Variants in LPAR3 observed in about 807,000 individuals in gnomAD.
LPAR3 encodes LPA receptor 3.
LPAR3 carries 7 observed loss-of-function variants against 17.8 expected under a neutral mutation model. The observed-to-expected ratio is 0.39, with a 90% CI of 0.22 to 0.74. The LOEUF (loss-of-function observed/expected upper bound fraction) is 0.74, where lower values mean the gene tolerates loss of function less well. LPAR3 is among the 30% of genes least tolerant of loss of function. The pLI is 0.40. For missense variants in LPAR3, 391 were observed against 453.4 expected (o/e 0.86, Z 1.25); for synonymous variants, 179 against 179.9 (o/e 0.99, Z 0.04).
intron 2 of LPAR3, among the ~76,000 whole-genome samples, chr1:84,821,852 T>C (rs1659061663): frequency 6.6e-6 from 1 of 152,118 alleles, no homozygotes. Context: ...GTGGGTAGCA[T>C]GTGGCTATGA....
chr1:84,825,296 G>A (rs2102746995), intron 2 of LPAR3, among the ~76,000 whole-genome samples: 1 of 152,312 alleles, frequency 6.6e-6, no homozygotes, highest in East Asian at 1.9e-4. Context: ...TCTTGATGGA[G>A]TACAGGAATG....
At chr1:84,820,491 C>T (rs939239728) in intron 2 of LPAR3, among the ~76,000 whole-genome samples, 2 of 152,144 alleles carry the variant, frequency 1.3e-5, no homozygotes, top group African/African-American at 4.8e-5. Context: ...AATGACTGTG[C>T]ACAGGTGAGA....
chr1:84,869,929 A>C (rs1660127130), intron 1 of LPAR3, among the ~76,000 whole-genome samples: 1 of 152,244 alleles, frequency 6.6e-6, no homozygotes, highest in Non-Finnish European at 1.5e-5. Flanking sequence ...CTTGACTTGC[A>C]AAACCCTGAC....
At chr1:84,892,623 C>A (rs1660573584) in intron 1 of LPAR3, among the ~76,000 whole-genome samples, 1 of 152,164 alleles carries the variant, frequency 6.6e-6, no homozygotes, top group Non-Finnish European at 1.5e-5. Context: ...CACGAGAGAA[C>A]CCCAGTTTCC....
At chr1:84,831,449 C>A (rs1481038099) in intron 2 of LPAR3, among the ~76,000 whole-genome samples, 3 of 152,026 alleles carry the variant, frequency 2.0e-5, no homozygotes, top group Non-Finnish European at 1.5e-5. Context: ...TAGCAGGACT[C>A]CATCTCTAAA....
At chr1:84,846,972 G>T (rs1396039094) in intron 2 of LPAR3, among the ~76,000 whole-genome samples, 1 of 152,118 alleles carries the variant, frequency 6.6e-6, no homozygotes, top group Non-Finnish European at 1.5e-5. Context: ...AGGGTATGAG[G>T]TATTTCCCAA....
chr1:84,882,691 A>G (rs1249738671), intron 1 of LPAR3, among the ~76,000 whole-genome samples: 2 of 152,242 alleles, frequency 1.3e-5, no homozygotes, highest in African/African-American at 4.8e-5. Context: ...ATACATAATC[A>G]ACGGATCTTT....
intron 2 of LPAR3, among the ~76,000 whole-genome samples, chr1:84,843,140 G>C (rs1659536989): frequency 6.6e-6 from 1 of 152,194 alleles, no homozygotes; most frequent in African/African-American, 2.4e-5. Flanking sequence ...TGCAACGCCT[G>C]TGGAGGGTCT....
Position 84,813,712 on chromosome 1 carries a change from T to G in LPAR3, c.*134A>C, listed in dbSNP as rs1658867596. ...ATGCTTTTAAACTATGAAAAAAAAT[T>G]TTTTAAAGAAATCTAGCAGTGATTA... On this transcript the variant is annotated 3_prime_UTR_variant, in exon 3 of 3. Transcript: ENST00000370611. 3 of 737,780 alleles carry G rather than the reference T, an allele frequency of 4.1e-6. No individual in the cohort carries two copies. Among genetic ancestry groups the G allele is most frequent in the Non-Finnish European group, 6.4e-6 (3 of 465,412 alleles). 45.7% of individuals were successfully genotyped at this position (737,780 alleles called of 1,614,324 possible). A position where few individuals can be genotyped will look rare whatever the true frequency, so the allele number is the denominator to read the frequency against.
Position 84,860,852 on chromosome 1 carries a change from C to T in LPAR3, c.736+4533G>A, listed in dbSNP as rs144156875. On this transcript the variant is annotated intron_variant, in intron 2 of 2. Coordinates refer to ENST00000370611, the MANE Select transcript of LPAR3 (RefSeq NM_012152.3). ...CTCCTGGGTTCAACCAATTCTCCTG[C>T]CTCAGCCTCCTGAGTAGCTGGAATT... Among the ~76,000 whole-genome samples, 46 of 151,578 alleles carry T rather than the reference C, an allele frequency of 3.0e-4. No individual in the cohort carries two copies. In the East Asian group the frequency reaches 8.8e-3, roughly 29 times the overall value.
chr1:84,877,661 T>A (rs1188852239), intron 1 of LPAR3, among the ~76,000 whole-genome samples: 1 of 152,212 alleles, frequency 6.6e-6, no homozygotes, highest in East Asian at 1.9e-4. Flanking sequence ...TTTTTATACA[T>A]GTTACATTGA....
At chr1:84,858,952 T>C (rs553315972) in intron 2 of LPAR3, among the ~76,000 whole-genome samples, 1 of 152,314 alleles carries the variant, frequency 6.6e-6, no homozygotes, top group Non-Finnish European at 1.5e-5. Flanking sequence ...ACAAGGTGAA[T>C]GGGAGTTTCC....
intron 1 of LPAR3, among the ~76,000 whole-genome samples, chr1:84,877,039 T>C (rs776538414): frequency 2.6e-5 from 4 of 152,246 alleles, no homozygotes; most frequent in Non-Finnish European, 4.4e-5. Flanking sequence ...TCAGAATCAG[T>C]TCCAACTCTA....
At chr1:84,857,094 T>G (rs1659844598) in intron 2 of LPAR3, among the ~76,000 whole-genome samples, 1 of 152,088 alleles carries the variant, frequency 6.6e-6, no homozygotes, top group African/African-American at 2.4e-5. Context: ...CCGGTCAGCT[T>G]CCTCTTGGCT....
At chr1:84,815,203 A>G (rs1193067017) in intron 2 of LPAR3, among the ~76,000 whole-genome samples, 1 of 152,214 alleles carries the variant, frequency 6.6e-6, no homozygotes, top group Non-Finnish European at 1.5e-5. Flanking sequence ...CACGATTTTG[A>G]ACAGAGGCCG....
At chr1:84,870,961 G>C (rs542504423) in intron 1 of LPAR3, among the ~76,000 whole-genome samples, 2 of 152,226 alleles carry the variant, frequency 1.3e-5, no homozygotes, top group South Asian at 4.1e-4. Context: ...AAAAAATAGA[G>C]GGCATTCTAA....
chr1:84,866,201 T>G, intron 1 of LPAR3, 63 bp from the exon 2 acceptor site: 3 of 1,310,818 alleles, frequency 2.3e-6, no homozygotes, highest in Non-Finnish European at 3.2e-6. Flanking sequence ...AGCCATCAAT[T>G]GCTGTTTCTA....
At chr1:84,851,018 G>A (rs925800025) in intron 2 of LPAR3, among the ~76,000 whole-genome samples, 2 of 152,192 alleles carry the variant, frequency 1.3e-5, no homozygotes, top group African/African-American at 2.4e-5. Context: ...GGGGCAGGGG[G>A]AGCCTTTACC....
At chr1:84,861,197 T>C (rs368573742) in intron 2 of LPAR3, among the ~76,000 whole-genome samples, 1 of 152,222 alleles carries the variant, frequency 6.6e-6, no homozygotes, top group African/African-American at 2.4e-5. Context: ...GATTAGATGA[T>C]GGTTAATGCC....
Sources: allele counts gnomAD v4.1 joint callset (sites outside exome capture counted in the v4.1 genomes callset), GRCh38; gene constraint gnomAD v4.1.1; transcripts MANE v1.5; gene names NCBI Gene and HGNC (gene_info 2026-07-23, HGNC 2026-07-21).